The following ZNF469 variants were observed in gnomAD, a reference collection of about 807,000 sequenced individuals.
The protein encoded by ZNF469 is zinc finger protein 469.
A neutral mutation model predicts 1.0 loss-of-function variants in ZNF469; 1 was observed. That is an observed-to-expected ratio of 1.00 (90% confidence interval 0.35 to 4.73). ZNF469 has a LOEUF of 4.73. ZNF469 is among the 30% of genes most tolerant of loss of function. ZNF469 has a pLI of 0.16. For missense variants in ZNF469, 6,100 were observed against 5,356.3 expected (o/e 1.14, Z -4.33); for synonymous variants, 2,703 against 2,363.4 (o/e 1.14, Z -4.17).
the ZNF469 span, among the ~76,000 whole-genome samples, chr16:88,242,757 G>A: frequency 1.3e-5 from 2 of 152,222 alleles, no homozygotes; most frequent in Admixed American, 6.5e-5. Context: ...AAAGCATGAG[G>A]CATCTCCGGC....
the ZNF469 span, among the ~76,000 whole-genome samples, chr16:88,368,740 G>A: frequency 0.021 from 3,195 of 152,154 alleles, 88 homozygotes; most frequent in East Asian, 0.083. Context: ...GGGAAAGTGT[G>A]GCCTGGGAGA....
the ZNF469 span, among the ~76,000 whole-genome samples, chr16:88,197,026 G>T: frequency 5.3e-5 from 8 of 152,200 alleles, 1 homozygote; most frequent in Admixed American, 2.6e-4. Context: ...TTGTTCAGCG[G>T]CTGGAATTCG....
chr16:88,337,668 C>G, the ZNF469 span, among the ~76,000 whole-genome samples: 1 of 152,206 alleles, frequency 6.6e-6, no homozygotes, highest in Non-Finnish European at 1.5e-5. Flanking sequence ...GCATCCTCAG[C>G]AGCAAGCATC....
rs1039392317 is a variant in ZNF469 at position 88,427,497 on chromosome 16, G to A, written c.27G>A (p.Ala9=). The A allele has an allele frequency of 2.4e-5, 36 of 1,528,046 alleles. No homozygotes were observed. The Middle Eastern group carries it at 5.3e-4, about 23-fold the overall frequency. The allele number at this position is 1,528,046 out of a possible 1,614,324, so 94.7% of individuals were successfully genotyped here. The change falls in exon 3 of 3, where the codon GCG becomes GCA. Residue 9 remains alanine (A), a synonymous_variant. Transcript: ENST00000565624. ...TGCCTGGGGAGCGCCCCCGAGGAGC[G>A]CCGCCCCCCACCATGACTGGAGACC... is the stretch of plus-strand genomic sequence containing the variant. The part of the protein sequence containing the change: MPGERPRG[A]PPPTMTGDLQ...
chr16:88,183,092 C>T, the ZNF469 span, among the ~76,000 whole-genome samples: 2 of 152,168 alleles, frequency 1.3e-5, no homozygotes, highest in Admixed American at 1.3e-4. Context: ...GGAAATAACC[C>T]ATGAAATAAT....
At chr16:88,190,086 G>T in the ZNF469 span, among the ~76,000 whole-genome samples, 1 of 146,228 alleles carries the variant, frequency 6.8e-6, no homozygotes, top group Non-Finnish European at 1.5e-5. Flanking sequence ...CTGCAAAATG[G>T]GTACCCATAC....
the ZNF469 span, among the ~76,000 whole-genome samples, chr16:88,134,012 T>C: frequency 1.3e-5 from 2 of 152,166 alleles, no homozygotes; most frequent in East Asian, 3.8e-4. Context: ...GGACAATCAA[T>C]AGAACCCCCC....
chr16:88,244,956 T>G, the ZNF469 span, among the ~76,000 whole-genome samples: 1 of 151,834 alleles, frequency 6.6e-6, no homozygotes, highest in Non-Finnish European at 1.5e-5. Context: ...AATATATCAC[T>G]GCTAAAAGGA....
the ZNF469 span, among the ~76,000 whole-genome samples, chr16:88,289,714 A>C: frequency 1.3e-4 from 20 of 152,164 alleles, no homozygotes; most frequent in African/African-American, 4.8e-4. Context: ...GTAGGAGTGA[A>C]TGTGTTCCTA....
the ZNF469 span, among the ~76,000 whole-genome samples, chr16:88,206,535 G>A: frequency 1.3e-5 from 2 of 152,000 alleles, no homozygotes; most frequent in African/African-American, 4.8e-5. Context: ...AAAGGCTGCC[G>A]ATTACCACAA....
At chr16:88,381,179 C>T (rs751724358), upstream of ZNF469, among the ~76,000 whole-genome samples, 5 of 144,196 alleles carry the variant, frequency 3.5e-5, no homozygotes, top group Admixed American at 6.9e-5. Context: ...CACACACAGA[C>T]ATGCACTCAC....
chr16:88,249,608 T>G, the ZNF469 span, among the ~76,000 whole-genome samples: 7 of 152,088 alleles, frequency 4.6e-5, no homozygotes, highest in African/African-American at 1.7e-4. Flanking sequence ...GGCCAATTTT[T>G]TATATTTTTA....
the ZNF469 span, among the ~76,000 whole-genome samples, chr16:88,259,653 G>A: frequency 1.3e-5 from 2 of 152,104 alleles, no homozygotes; most frequent in Non-Finnish European, 2.9e-5. This position sits in a 1 kb window ranked among gnomAD's most constrained non-coding sequence, Gnocchi z 4.1. Flanking sequence ...CAGGCACCGC[G>A]CTCTTTCTCC....
At chr16:88,160,636 T>A in the ZNF469 span, among the ~76,000 whole-genome samples, 2 of 152,146 alleles carry the variant, frequency 1.3e-5, no homozygotes, top group Non-Finnish European at 2.9e-5. Flanking sequence ...CCTCTGGGGA[T>A]CAGGTGGGTC....
the ZNF469 span, among the ~76,000 whole-genome samples, chr16:88,205,830 A>C: frequency 1.3e-5 from 2 of 152,174 alleles, no homozygotes; most frequent in African/African-American, 2.4e-5. This position sits in a 1 kb window ranked among gnomAD's most constrained non-coding sequence, Gnocchi z 4.2. Flanking sequence ...GGCCAGAAAA[A>C]ATGATGGCTT....
In ZNF469 at chr16:88,430,602, C is replaced by T. The variant is rs1187711181; in HGVS notation, c.3132C>T (p.Gly1044=). 8.7e-6 allele frequency: 13 copies of T among 1,500,464 alleles called. No individual in the cohort carries two copies. The highest frequency in any genetic ancestry group is 1.1e-5 in the Non-Finnish European group (13 of 1,130,576). 92.9% of individuals were successfully genotyped at this position (1,500,464 alleles called of 1,614,324 possible). A position where few individuals can be genotyped will look rare whatever the true frequency, so the allele number is the denominator to read the frequency against. The part of the protein sequence containing the change: ...KDPRKRKARG[G]AWGKELILKI... ...CCAGGAAGAGGAAGGCTCGGGGCGG[C>T]GCCTGGGGCAAGGAGCTCATTCTGA... The change falls in exon 3 of 3, where the codon GGC becomes GGT. Residue 1044 remains glycine, a synonymous_variant. Transcript: ENST00000565624.
intron 1 of ZNF469, among the ~76,000 whole-genome samples, chr16:88,415,104 C>T (rs922363205): frequency 1.3e-5 from 2 of 152,234 alleles, no homozygotes; most frequent in African/African-American, 4.8e-5. Flanking sequence ...CCTCTCTGAG[C>T]CTCGGTTTCT....
chr16:88,366,606 AACC>A, the ZNF469 span, among the ~76,000 whole-genome samples: 1 of 37,700 alleles, frequency 2.7e-5, no homozygotes, highest in East Asian at 4.8e-4. Flanking sequence ...TTGTCACCAC[AACC>A]ACCATCATCA....
chr16:88,334,458 C>G, the ZNF469 span, among the ~76,000 whole-genome samples: 1 of 152,182 alleles, frequency 6.6e-6, no homozygotes, highest in Non-Finnish European at 1.5e-5. Context: ...GGGAGCATTT[C>G]CCAAGAGCAT....
Sources: gnomAD v4.1 joint callset for allele counts (sites outside exome capture counted in the v4.1 genomes callset) on GRCh38, gnomAD v4.1.1 for gene constraint, Gnocchi (gnomAD v3.1) non-coding constraint, MANE v1.5 for transcripts, NCBI Gene and HGNC (gene_info 2026-07-23, HGNC 2026-07-21) for gene names.